The following LINGO2 variants were observed in gnomAD, a reference collection of about 807,000 sequenced individuals.
LINGO2 encodes leucine rich repeat and Ig domain containing 2, also known as leucine-rich repeat and immunoglobulin-like domain-containing nogo receptor-interacting protein 2.
LINGO2 carries 14 observed loss-of-function variants against 30.6 expected under a neutral mutation model. That is an observed-to-expected ratio of 0.46 (90% CI 0.30 to 0.72). The LOEUF is 0.72. LINGO2 is among the 30% of genes least tolerant of loss of function. The pLI, the probability that LINGO2 is intolerant of heterozygous loss-of-function variation, is 0.07. For synonymous variants in LINGO2, 317 were observed against 288.5 expected, an observed-to-expected ratio of 1.10 and a Z score of -1.00; for missense variants, 729 against 751.7, an observed-to-expected ratio of 0.97 and a Z score of 0.35.
At chr9:29,195,283 T>C in the LINGO2 span, among the ~76,000 whole-genome samples, 2 of 152,066 alleles carry the variant, frequency 1.3e-5, no homozygotes, top group Non-Finnish European at 2.9e-5. Context: ...GAACATTTTA[T>C]TGATTTTATT....
At chr9:29,193,185 T>C in the LINGO2 span, among the ~76,000 whole-genome samples, 3 of 152,244 alleles carry the variant, frequency 2.0e-5, no homozygotes, top group African/African-American at 7.2e-5. Context: ...TATCTCTAAC[T>C]CTTTTGTCCC....
At chr9:28,760,093 T>C in the LINGO2 span, among the ~76,000 whole-genome samples, 7 of 152,106 alleles carry the variant, frequency 4.6e-5, no homozygotes, top group Non-Finnish European at 1.0e-4. Flanking sequence ...CATATTATTC[T>C]GATAGAAATG....
At chr9:28,587,888 A>G (rs1404622180) in intron 1 of LINGO2, among the ~76,000 whole-genome samples, 2 of 151,974 alleles carry the variant, frequency 1.3e-5, no homozygotes, top group African/African-American at 4.8e-5. Context: ...TTGTGAAAAC[A>G]GTGGCCGTTT....
intron 2 of LINGO2, among the ~76,000 whole-genome samples, chr9:28,387,081 C>T (rs945144246): frequency 6.6e-6 from 1 of 152,078 alleles, no homozygotes; most frequent in African/African-American, 2.4e-5. Flanking sequence ...ACTTTTCTGT[C>T]TAGCTAAAGG....
At chr9:28,263,346 A>AATTACTCC in intron 4 of LINGO2, among the ~76,000 whole-genome samples, 1 of 151,854 alleles carries the variant, frequency 6.6e-6, no homozygotes, top group South Asian at 2.1e-4. Flanking sequence ...ACACCTGTGC[A>AATTACTCC]ATTACTCCAC....
the LINGO2 span, among the ~76,000 whole-genome samples, chr9:28,872,933 T>C: frequency 1.3e-5 from 2 of 152,128 alleles, no homozygotes; most frequent in Admixed American, 1.3e-4. Context: ...TTCTTCTACC[T>C]GAGGATTAGG....
the LINGO2 span, among the ~76,000 whole-genome samples, chr9:28,880,853 C>T: frequency 2.6e-5 from 4 of 152,116 alleles, no homozygotes; most frequent in African/African-American, 7.2e-5. Context: ...TTCTTTACTC[C>T]GCTGAGATGT....
the LINGO2 span, among the ~76,000 whole-genome samples, chr9:28,867,793 C>T: frequency 3.1e-4 from 47 of 151,998 alleles, no homozygotes; most frequent in South Asian, 8.1e-3. Context: ...TTGTCTTTGC[C>T]CCATAACGTC....
At chr9:28,529,302 A>G (rs757686027) in intron 1 of LINGO2, among the ~76,000 whole-genome samples, 4 of 152,168 alleles carry the variant, frequency 2.6e-5, no homozygotes, top group Admixed American at 1.3e-4. Flanking sequence ...TTAAATTTAT[A>G]TTCTTCTCCA....
chr9:28,498,901 A>G (rs1819773312), intron 1 of LINGO2, among the ~76,000 whole-genome samples: 1 of 152,132 alleles, frequency 6.6e-6, no homozygotes. Context: ...AATACTACAT[A>G]ATGTGGTAGC....
intron 1 of LINGO2, among the ~76,000 whole-genome samples, chr9:28,498,233 T>G (rs972769117): frequency 3.3e-5 from 5 of 152,170 alleles, no homozygotes; most frequent in African/African-American, 1.2e-4. Context: ...GGCCTTTTGT[T>G]TGGCTATGCC....
intron 2 of LINGO2, among the ~76,000 whole-genome samples, chr9:28,443,415 A>T (rs1824278189): frequency 6.6e-6 from 1 of 152,024 alleles, no homozygotes; most frequent in Non-Finnish European, 1.5e-5. Context: ...ACCCCTACTG[A>T]GTTGGTGGGG....
At chr9:28,840,923 A>C in the LINGO2 span, among the ~76,000 whole-genome samples, 1 of 151,880 alleles carries the variant, frequency 6.6e-6, no homozygotes, top group Non-Finnish European at 1.5e-5. Context: ...GGTGTTAAAC[A>C]TGAAAAGCTC....
chr9:28,729,483 A>G, the LINGO2 span, among the ~76,000 whole-genome samples: 1 of 152,184 alleles, frequency 6.6e-6, no homozygotes, highest in Non-Finnish European at 1.5e-5. Flanking sequence ...CAACAAACAA[A>G]CAAACAAAAT....
chr9:28,828,030 T>C, the LINGO2 span, among the ~76,000 whole-genome samples: 2 of 151,986 alleles, frequency 1.3e-5, no homozygotes, highest in East Asian at 3.8e-4. Flanking sequence ...ATAATGGCTA[T>C]CTTTGGGGAA....
At chr9:28,641,187 C>A (rs528878057) in intron 1 of LINGO2, among the ~76,000 whole-genome samples, 3 of 152,168 alleles carry the variant, frequency 2.0e-5, no homozygotes, top group African/African-American at 7.2e-5. Flanking sequence ...GCGCCTGCCA[C>A]CACGCTCGGC....
At chr9:28,214,274 A>G (rs780560858) in intron 4 of LINGO2, among the ~76,000 whole-genome samples, 7 of 151,758 alleles carry the variant, frequency 4.6e-5, no homozygotes, top group Middle Eastern at 3.4e-3. Flanking sequence ...CTTTGCCTGA[A>G]CAAAGAGACA....
At chr9:28,892,921 T>C in the LINGO2 span, among the ~76,000 whole-genome samples, 2 of 152,050 alleles carry the variant, frequency 1.3e-5, no homozygotes, top group Non-Finnish European at 2.9e-5. Flanking sequence ...CACTTCATTT[T>C]CAAAGAATTT....
chr9:28,433,947 C>CTATATATATATATATATA (rs1417650474), intron 2 of LINGO2, among the ~76,000 whole-genome samples: 51 of 61,062 alleles, frequency 8.4e-4, no homozygotes, highest in African/African-American at 2.4e-3. Context: ...CTCTCTCTCT[C>CTATATATATATATATATA]TCTATATATA....
Sources: gnomAD v4.1 joint callset for allele counts (sites outside exome capture counted in the v4.1 genomes callset) on GRCh38, gnomAD v4.1.1 for gene constraint, MANE v1.5 for transcripts, NCBI Gene and HGNC (gene_info 2026-07-23, HGNC 2026-07-21) for gene names.